Variants in CSRP2 observed in about 807,000 individuals in gnomAD.
CSRP2 encodes the protein cysteine and glycine-rich protein 2.
A neutral mutation model predicts 24.6 loss-of-function variants in CSRP2; 18 were observed. The ratio of observed to expected loss-of-function variants is 0.73; its 90% CI spans 0.51 to 1.09. The LOEUF (loss-of-function observed/expected upper bound fraction) is 1.09, where lower values mean the gene tolerates loss of function less well. CSRP2 is among the 50% of genes least tolerant of loss of function. CSRP2 has a pLI of 0.00. For missense variants in CSRP2, 215 were observed against 239.4 expected, an observed-to-expected ratio of 0.90 and a Z score of 0.67; for synonymous variants, 87 against 84.3, an observed-to-expected ratio of 1.03 and a Z score of -0.18.
Position 76,863,231 on chromosome 12 carries a change from C to G in CSRP2, c.226G>C (p.Gly76Arg). 1 of 1,614,212 alleles carries G rather than the reference C, an allele frequency of 6.2e-7. No homozygotes were observed. The highest frequency in any genetic ancestry group is 8.5e-7 in the Non-Finnish European group (1 of 1,180,036). ...YGPKGYGYGQ[G>R]AGTLNMDRGE... The stretch of plus-strand genomic sequence containing the variant: ...CGGTCCATGTTAAGCGTGCCAGCGC[C>G]CTGGCCATAACCGTAGCCTTTTGGC... Residue 76 changes from glycine (G) to arginine (R), a missense_variant, in exon 3 of 6, where the codon GGC becomes CGC. Transcript: ENST00000311083.
intron 1 of CSRP2, among the ~76,000 whole-genome samples, chr12:76,867,596 T>C (rs938700237): frequency 3.3e-5 from 5 of 152,194 alleles, no homozygotes; most frequent in Non-Finnish European, 5.9e-5. Flanking sequence ...ACATGTTATG[T>C]CTGCCCTGCC....
intron 3 of CSRP2, chr12:76,862,634 C>T: frequency 1.2e-6 from 1 of 808,932 alleles, no homozygotes. Context: ...ACAAATTTAG[C>T]ACCTTGATAC....
chr12:76,864,102 G>A (rs1410229899), intron 2 of CSRP2: 1 of 152,128 alleles, frequency 6.6e-6, no homozygotes, highest in Non-Finnish European at 1.5e-5. Flanking sequence ...TCTTGCCACA[G>A]GACATTTCCA....
chr12:76,864,024 A>C (rs1489586301), intron 2 of CSRP2: 1 of 152,218 alleles, frequency 6.6e-6, no homozygotes, highest in African/African-American at 2.4e-5. Context: ...AAAATCGTCA[A>C]GTGCTTTAAA....
chr12:76,868,937 G>GAAAAAA (rs980686297), intron 1 of CSRP2, among the ~76,000 whole-genome samples: 23 of 61,158 alleles, frequency 3.8e-4, no homozygotes, highest in East Asian at 1.0e-3. Flanking sequence ...CGCCTCAAAA[G>GAAAAAA]AAAAAAAAAA....
At chr12:76,861,089 A>G (rs977735225) in intron 3 of CSRP2, 5 of 151,986 alleles carry the variant, frequency 3.3e-5, no homozygotes, top group African/African-American at 4.8e-5. Context: ...ATTTCTTGCT[A>G]TCAGTAGGAA....
At chr12:76,863,123 G>C in intron 3 of CSRP2, 53 bp downstream of exon 3, 1 of 1,555,136 alleles carries the variant, frequency 6.4e-7, no homozygotes, top group Admixed American at 1.9e-5. Context: ...TCAGCAAGCG[G>C]CACTAACTGT....
chr12:76,860,033 T>C (rs924472047), intron 4 of CSRP2, among the ~76,000 whole-genome samples: 1 of 152,244 alleles, frequency 6.6e-6, no homozygotes, highest in Non-Finnish European at 1.5e-5. Flanking sequence ...CCTTACAGTC[T>C]GGCCTTTTAA....
intron 1 of CSRP2, among the ~76,000 whole-genome samples, chr12:76,875,393 C>G (rs1040327185): frequency 1.3e-5 from 2 of 152,148 alleles, no homozygotes; most frequent in African/African-American, 4.8e-5. Flanking sequence ...TAGAGTGCAG[C>G]AAAATTCGAC....
At chr12:76,871,187 C>T (rs890339525) in intron 1 of CSRP2, among the ~76,000 whole-genome samples, 1 of 152,066 alleles carries the variant, frequency 6.6e-6, no homozygotes, top group Admixed American at 6.6e-5. Context: ...ATAGGTAGCT[C>T]TCTCTACCCA....
chr12:76,866,726 T>C (rs763190629), intron 1 of CSRP2, among the ~76,000 whole-genome samples: 1 of 152,210 alleles, frequency 6.6e-6, no homozygotes, highest in Non-Finnish European at 1.5e-5. Context: ...ACTAAATTCT[T>C]AACGTTTAAC....
At chr12:76,866,544 G>A (rs1358904369) in intron 1 of CSRP2, among the ~76,000 whole-genome samples, 1 of 151,964 alleles carries the variant, frequency 6.6e-6, no homozygotes, top group Non-Finnish European at 1.5e-5. Context: ...CACAAAACAA[G>A]CTATGCCATT....
intron 1 of CSRP2, among the ~76,000 whole-genome samples, chr12:76,870,412 C>G (rs976856080): frequency 3.6e-4 from 55 of 152,196 alleles, no homozygotes; most frequent in African/African-American, 1.3e-3. Flanking sequence ...CTTACTTATT[C>G]TAAGTTAACT....
At chr12:76,871,462 T>C (rs1302726639) in intron 1 of CSRP2, among the ~76,000 whole-genome samples, 4 of 152,172 alleles carry the variant, frequency 2.6e-5, no homozygotes, top group South Asian at 2.1e-4. Flanking sequence ...CCACATATGG[T>C]GGTGACTGTC....
intron 1 of CSRP2, among the ~76,000 whole-genome samples, chr12:76,873,100 A>G (rs1290664993): frequency 6.6e-6 from 1 of 152,248 alleles, no homozygotes; most frequent in Non-Finnish European, 1.5e-5. Flanking sequence ...GGATTGAATT[A>G]GTCTATATTC....
At chr12:76,875,085 A>C (rs1953840485) in intron 1 of CSRP2, among the ~76,000 whole-genome samples, 1 of 152,186 alleles carries the variant, frequency 6.6e-6, no homozygotes, top group Admixed American at 6.5e-5. Flanking sequence ...CAGAACATTA[A>C]GGGTTGAGAC....
rs548492104 is a variant in CSRP2 at position 76,872,934 on chromosome 12, G to A, written c.-2+6004C>T. Among the ~76,000 whole-genome samples, 61 of 152,296 alleles carry A rather than the reference G, an allele frequency of 4.0e-4. 1 individual carries two copies. The South Asian group carries it at 7.9e-3, about 20-fold the overall frequency. On this transcript the variant is annotated intron_variant, in intron 1 of 5. Transcript: ENST00000311083. ...TTGTGTTCCTGCACTCATCAGAGCC[G>A]TATGATAATCAAGAGCTGACTACCT... is the stretch of plus-strand genomic sequence containing the variant.
rs888276418 is a variant in CSRP2, at chr12:76,862,143, A to G, written c.281+1033T>C. Reference sequence around the variant, plus strand: ...TGGTTTATGGTCTTGTCCAAAGGCCATTTTGTTGGACTATTACACCAATTT... The same window carrying G: ...TGGTTTATGGTCTTGTCCAAAGGCCGTTTTGTTGGACTATTACACCAATTT... On this transcript the variant is annotated intron_variant, in intron 3 of 5. Transcript: ENST00000311083. The G allele has an allele frequency of 2.0e-5, 3 of 152,196 alleles. No individual in the cohort carries two copies. In the East Asian group the frequency reaches 5.8e-4, roughly 29 times the overall value. 9.4% of individuals were successfully genotyped at this position (152,196 alleles called of 1,614,324 possible). A position where few individuals can be genotyped will look rare whatever the true frequency, so the allele number is the denominator to read the frequency against.
At chr12:76,865,869 C>T (rs986267666) in intron 2 of CSRP2, 2 of 423,468 alleles carry the variant, frequency 4.7e-6, no homozygotes, top group African/African-American at 4.1e-5. Flanking sequence ...AAGTGACACC[C>T]AGCACTCAGT....
Sources: gnomAD v4.1 joint callset for allele counts (sites outside exome capture counted in the v4.1 genomes callset) on GRCh38, gnomAD v4.1.1 for gene constraint, MANE v1.5 for transcripts, NCBI Gene and HGNC (gene_info 2026-07-23, HGNC 2026-07-21) for gene names.